The following JAKMIP1 variants were observed in gnomAD, a reference collection of about 807,000 sequenced individuals.
JAKMIP1 encodes janus kinase and microtubule interacting protein 1.
In JAKMIP1, 33 loss-of-function variants were observed where a neutral mutation model predicts 113.0. The observed-to-expected ratio is 0.29, with a 90% CI of 0.22 to 0.39. JAKMIP1 has a LOEUF of 0.39. Among genes scored for constraint, JAKMIP1 ranks in the 10% least tolerant of loss-of-function variants. JAKMIP1 has a pLI of 1.00. For synonymous variants in JAKMIP1, 480 were observed against 459.9 expected, an observed-to-expected ratio of 1.04 and a Z score of -0.56; for missense variants, 813 against 1,080.5, an observed-to-expected ratio of 0.75 and a Z score of 3.47.
chr4:6,190,939 C>T (rs1254000665), intron 1 of JAKMIP1, among the ~76,000 whole-genome samples: 4 of 152,192 alleles, frequency 2.6e-5, no homozygotes, highest in Non-Finnish European at 2.9e-5. Flanking sequence ...GCACAGGCGG[C>T]CTGCACCACA....
rs1305482741 is a variant in JAKMIP1 at position 6,180,654 on chromosome 4, G to C, written c.-148+19599C>G. Among the ~76,000 whole-genome samples the C allele has an allele frequency of 6.6e-6, 1 of 152,166 alleles. No individual in the cohort carries two copies. The highest frequency in any genetic ancestry group is 1.5e-5 in the Non-Finnish European group (1 of 68,032). ...CAGCCCTGTGACAAGGGTATTCTTA[G>C]TACCCCCATTTTAATGGACCAGCAG... On this transcript the variant is annotated intron_variant, in intron 1 of 20. Transcript: ENST00000409021. This position sits in a 1 kb window ranked among gnomAD's most constrained non-coding sequence, Gnocchi z 4.5.
In JAKMIP1 at chr4:6,049,755, T is replaced by C; in HGVS notation, c.1962+64A>G. On this transcript the variant is annotated intron_variant, in intron 15 of 20. Transcript: ENST00000409021. The surrounding 1 kb of genome is among the most constrained non-coding windows in gnomAD (Gnocchi z 7.0). ...AATTAAAAACAAAACAAAACAAAAGTCACACAGAATACACCCAGATCAAAA... is the reference window on the plus strand; with the variant it reads ...AATTAAAAACAAAACAAAACAAAAGCCACACAGAATACACCCAGATCAAAA... The C allele has an allele frequency of 1.6e-6, 2 of 1,216,132 alleles. No individual in the cohort carries two copies. 75.3% of individuals were successfully genotyped at this position (1,216,132 alleles called of 1,614,324 possible). A position where few individuals can be genotyped will look rare whatever the true frequency, so the allele number is the denominator to read the frequency against.
At position 6,067,517 on chromosome 4, in the gene JAKMIP1, A is replaced by G. The variant is rs1038283853; in HGVS notation, c.1303-2509T>C. On this transcript the variant is annotated intron_variant, in intron 8 of 20. Coordinates refer to ENST00000409021, the MANE Select transcript of JAKMIP1 (RefSeq NM_001099433.2). This position sits in a 1 kb window ranked among gnomAD's most constrained non-coding sequence, Gnocchi z 4.6. The stretch of plus-strand genomic sequence containing the variant: ...ATCATGGACTCTTCCAACCAGCTCT[A>G]GAGAGCAGTGGTAGTGACATCCCAT... Among the ~76,000 whole-genome samples, 1 of 152,142 alleles carries G rather than the reference A, an allele frequency of 6.6e-6. No homozygotes were observed. Among genetic ancestry groups the G allele is most frequent in the African/African-American group, 2.4e-5 (1 of 41,414 alleles).
Position 6,059,567 on chromosome 4 carries a change from C to T in JAKMIP1, c.1644+857G>A, listed in dbSNP as rs900136636. ...CCGTCTGCCCACACCCTCCTTGGCA[C>T]CCTCACTGTTAGTGGGGCCACGTGA... On this transcript the variant is annotated intron_variant, in intron 11 of 20. Transcript: ENST00000409021. The surrounding 1 kb of genome is among the most constrained non-coding windows in gnomAD (Gnocchi z 4.8). Among the ~76,000 whole-genome samples, 1 of 152,036 alleles carries T rather than the reference C, an allele frequency of 6.6e-6. No individual in the cohort carries two copies. The highest frequency in any genetic ancestry group is 1.5e-5 in the Non-Finnish European group (1 of 68,016).
At chr4:6,079,983 G>A (rs1720267187) in intron 7 of JAKMIP1, among the ~76,000 whole-genome samples, 189 bp downstream of exon 7, 1 of 152,212 alleles carries the variant, frequency 6.6e-6, no homozygotes, top group Non-Finnish European at 1.5e-5. Context: ...TTTAAGCCAA[G>A]GCTGCTTAGT....
intron 1 of JAKMIP1, among the ~76,000 whole-genome samples, chr4:6,120,573 G>T (rs1716566169): frequency 6.6e-6 from 1 of 152,260 alleles, no homozygotes; most frequent in African/African-American, 2.4e-5. Flanking sequence ...TGTGAGCCCT[G>T]CCGGGCAGCA....
chr4:6,073,357 C>G (rs1719251997), intron 8 of JAKMIP1, among the ~76,000 whole-genome samples: 2 of 152,202 alleles, frequency 1.3e-5, no homozygotes, highest in Non-Finnish European at 1.5e-5. Flanking sequence ...CTGGCAACAG[C>G]AGACCCAGAG....
At position 6,097,789 on chromosome 4, in the gene JAKMIP1, C is replaced by T. The variant is rs1360062383; in HGVS notation, c.624+7684G>A. Among the ~76,000 whole-genome samples, 1 of 152,176 alleles carries T rather than the reference C, an allele frequency of 6.6e-6. No homozygotes were observed. The highest frequency in any genetic ancestry group is 1.5e-5 in the Non-Finnish European group (1 of 68,032). ...CAACCATTCCATGGGAAAAGCCAGG[C>T]CCACGCTTCCTTAGGCAGCTTGGAG... On this transcript the variant is annotated intron_variant, in intron 3 of 20. Coordinates refer to ENST00000409021, the MANE Select transcript of JAKMIP1 (RefSeq NM_001099433.2). This position sits in a 1 kb window ranked among gnomAD's most constrained non-coding sequence, Gnocchi z 4.3.
In JAKMIP1 at chr4:6,065,869, G is replaced by T. The variant is rs1717996296; in HGVS notation, c.1303-861C>A. Among the ~76,000 whole-genome samples the T allele has an allele frequency of 6.6e-6, 1 of 152,156 alleles. No individual in the cohort carries two copies. Among genetic ancestry groups the T allele is most frequent in the Non-Finnish European group, 1.5e-5 (1 of 68,032 alleles). ...TGGGCCAGACACGGGGCAGGCCTGG[G>T]GAATACAATAGGATCATAACCAGGC... On this transcript the variant is annotated intron_variant, in intron 8 of 20. Transcript: ENST00000409021. The surrounding 1 kb of genome is among the most constrained non-coding windows in gnomAD (Gnocchi z 5.1).
In JAKMIP1 at chr4:6,137,649, C is replaced by A. The variant is rs1223120692; in HGVS notation, c.-147-24652G>T. 6.6e-6 allele frequency among the ~76,000 whole-genome samples: 1 copy of A among 152,238 alleles called. No homozygotes were observed. The highest frequency in any genetic ancestry group is 2.4e-5 in the African/African-American group (1 of 41,468). ...CCCCACAGGGGACCAAATGAGCTAT[C>A]CTGAAATGCGGAGGCTAAAGAGCCA... On this transcript the variant is annotated intron_variant, in intron 1 of 20. Transcript: ENST00000409021. This position sits in a 1 kb window ranked among gnomAD's most constrained non-coding sequence, Gnocchi z 4.5.
At chr4:6,198,574 CA>C (rs1216208738) in intron 1 of JAKMIP1, among the ~76,000 whole-genome samples, 1 of 152,182 alleles carries the variant, frequency 6.6e-6, no homozygotes, top group Non-Finnish European at 1.5e-5. Flanking sequence ...AAAAAGACTA[CA>C]GATAAGAATT....
At position 6,186,254 on chromosome 4, in the gene JAKMIP1, T is replaced by G. The variant is rs936890992; in HGVS notation, c.-148+13999A>C. Among the ~76,000 whole-genome samples, 2 of 151,866 alleles carry G rather than the reference T, an allele frequency of 1.3e-5. No individual in the cohort carries two copies. The highest frequency in any genetic ancestry group is 4.8e-5 in the African/African-American group (2 of 41,330). On this transcript the variant is annotated intron_variant, in intron 1 of 20. Transcript: ENST00000409021. This position sits in a 1 kb window ranked among gnomAD's most constrained non-coding sequence, Gnocchi z 5.5. ...TGCAGACTGAGGAGGCACAGCAGGGTGGGGAAGTCCAAGGAATGGGCATTC... is the reference window on the plus strand; with the variant it reads ...TGCAGACTGAGGAGGCACAGCAGGGGGGGGAAGTCCAAGGAATGGGCATTC...
intron 3 of JAKMIP1, among the ~76,000 whole-genome samples, chr4:6,098,491 A>G (rs928982197): frequency 4.0e-5 from 6 of 149,818 alleles, no homozygotes; most frequent in Non-Finnish European, 8.9e-5. Flanking sequence ...GAAAGAAAAG[A>G]GAAAGAAAAG....
rs1170961107 is a variant in JAKMIP1 at position 6,155,597 on chromosome 4, G to A, written c.-147-42600C>T. Reference sequence around the variant, plus strand: ...ACCTGATTTCCCCTAAAGAACTCACGGAGGATTTACGCGCATATTCAGCTG... The same window carrying A: ...ACCTGATTTCCCCTAAAGAACTCACAGAGGATTTACGCGCATATTCAGCTG... On this transcript the variant is annotated intron_variant, in intron 1 of 20. Coordinates refer to ENST00000409021, the MANE Select transcript of JAKMIP1 (RefSeq NM_001099433.2). The surrounding 1 kb of genome is among the most constrained non-coding windows in gnomAD (Gnocchi z 6.1). Among the ~76,000 whole-genome samples, 5 of 152,286 alleles carry A rather than the reference G, an allele frequency of 3.3e-5. No individual in the cohort carries two copies. Among genetic ancestry groups the A allele is most frequent in the East Asian group, 3.9e-4 (2 of 5,178 alleles).
rs773173316 is a variant in JAKMIP1, at chr4:6,054,041, G to A, written c.1806+9C>T. ...CGTTTGAGAGTTTACAACAGATAGA[G>A]TCTCTTACTTCGAGTTCTAGCACTC... On this transcript the variant is annotated intron_variant, in intron 13 of 20. Coordinates refer to ENST00000409021, the MANE Select transcript of JAKMIP1 (RefSeq NM_001099433.2). 2 of 1,614,162 alleles carry A rather than the reference G, an allele frequency of 1.2e-6. No individual in the cohort carries two copies. The highest frequency in any genetic ancestry group is 1.7e-6 in the Non-Finnish European group (2 of 1,179,956).
chr4:6,127,668 A>C (rs1052339710), intron 1 of JAKMIP1, among the ~76,000 whole-genome samples: 10 of 152,182 alleles, frequency 6.6e-5, no homozygotes, highest in Admixed American at 2.0e-4. Flanking sequence ...GGAAGGCCCC[A>C]CAGGCCACAT....
At position 6,154,652 on chromosome 4, in the gene JAKMIP1, C is replaced by T. The variant is rs886872550; in HGVS notation, c.-147-41655G>A. The stretch of plus-strand genomic sequence containing the variant: ...CACTGCACGCAGGGACTGTGCCCAA[C>T]TCTGCAGCCCTGGCAAATGGAATTC... On this transcript the variant is annotated intron_variant, in intron 1 of 20. Coordinates refer to ENST00000409021, the MANE Select transcript of JAKMIP1 (RefSeq NM_001099433.2). This position sits in a 1 kb window ranked among gnomAD's most constrained non-coding sequence, Gnocchi z 4.2. Among the ~76,000 whole-genome samples, 1 of 151,882 alleles carries T rather than the reference C, an allele frequency of 6.6e-6. No individual in the cohort carries two copies. Among genetic ancestry groups the T allele is most frequent in the Non-Finnish European group, 1.5e-5 (1 of 67,986 alleles).
At position 6,062,373 on chromosome 4, in the gene JAKMIP1, C is replaced by T. The variant is rs1053589559; in HGVS notation, c.1499G>A (p.Arg500His). The part of the protein sequence containing the change: ...QLTREYQALQ[R>H]AYALLQEQVG... Reference sequence around the variant, plus strand: ...CTGCTCCTGGAGCAGGGCGTAGGCGCGTTGCAGGGCCTGGTACTCCCGGGT... The same window carrying T: ...CTGCTCCTGGAGCAGGGCGTAGGCGTGTTGCAGGGCCTGGTACTCCCGGGT... The change falls in exon 10 of 21, where the codon CGC becomes CAC. Residue 500 changes from arginine (R) to histidine (H), a missense_variant. Arg to His is a conservative substitution (Grantham distance 29). Around this residue, in one of 2 missense-constraint regions of JAKMIP1, gnomAD observed 273 missense variants for 426.6 expected, o/e 0.64. Transcript: ENST00000409021. The T allele has an allele frequency of 6.2e-7, 1 of 1,613,644 alleles. No individual in the cohort carries two copies. The highest frequency in any genetic ancestry group is 8.5e-7 in the Non-Finnish European group (1 of 1,180,012).
chr4:6,083,911 T>A lies in JAKMIP1; in HGVS notation c.954+935A>T, dbSNP rs945894349. Among the ~76,000 whole-genome samples, 29 of 152,340 alleles carry A rather than the reference T, an allele frequency of 1.9e-4. No individual in the cohort carries two copies. In the Middle Eastern group the frequency reaches 0.014, roughly 71 times the overall value. ...TTCTTTTTTAACCAGAAGTCCATGT[T>A]CATTATTTTTAAAATTAATGTATAA... On this transcript the variant is annotated intron_variant, in intron 5 of 20. Coordinates refer to ENST00000409021, the MANE Select transcript of JAKMIP1 (RefSeq NM_001099433.2).
Sources: gnomAD v4.1 joint callset for allele counts (sites outside exome capture counted in the v4.1 genomes callset) on GRCh38, gnomAD v4.1.1 for gene constraint, gnomAD v4.1.1 regional missense constraint, Gnocchi (gnomAD v3.1) non-coding constraint, MANE v1.5 for transcripts, NCBI Gene and HGNC (gene_info 2026-07-23, HGNC 2026-07-21) for gene names.